NRXN1: variants seen among roughly 807,000 people sequenced by gnomAD.
NRXN1 encodes neurexin-1.
In NRXN1, 39 loss-of-function variants were observed where a neutral mutation model predicts 150.9. The observed-to-expected ratio is 0.26, with a 90% CI of 0.20 to 0.34. NRXN1 has a LOEUF of 0.34. NRXN1 is among the 10% of genes least tolerant of loss of function. The probability of loss-of-function intolerance (pLI) is 1.00; values close to 1 mark genes in which losing one functional copy is unlikely to be tolerated. For synonymous variants in NRXN1, 924 were observed against 757.0 expected, an observed-to-expected ratio of 1.22 and a Z score of -3.62; for missense variants, 1,815 against 1,949.9, an observed-to-expected ratio of 0.93 and a Z score of 1.30.
In NRXN1 at chr2:50,419,312, G is replaced by T. The variant is rs191429950; in HGVS notation, c.3364+46130C>A. Among the ~76,000 whole-genome samples the T allele has an allele frequency of 1.2e-4, 18 of 152,198 alleles. No homozygotes were observed. In the East Asian group the frequency reaches 3.3e-3, roughly 28 times the overall value. The stretch of plus-strand genomic sequence containing the variant: ...CTTGGTAATGAGTTTTGGACTGCAA[G>T]TATCAGTTCTTAGACACAGCATGTG... On this transcript the variant is annotated intron_variant, in intron 17 of 22. Transcript: ENST00000401669.
At chr2:50,542,013 G>A (rs1280984045) in intron 9 of NRXN1, among the ~76,000 whole-genome samples, 2 of 152,194 alleles carry the variant, frequency 1.3e-5, no homozygotes, top group African/African-American at 4.8e-5. Context: ...CAGGCGTGGT[G>A]GCTCATGCCT....
intron 5 of NRXN1, among the ~76,000 whole-genome samples, chr2:50,861,880 C>T (rs979831503): frequency 1.8e-4 from 27 of 151,946 alleles, no homozygotes; most frequent in African/African-American, 6.5e-4. Flanking sequence ...GTCACTCGAA[C>T]ATGTTTATAA....
chr2:50,992,281 T>C (rs6545188), intron 2 of NRXN1, among the ~76,000 whole-genome samples: 2,757 of 152,120 alleles, frequency 0.018, 87 homozygotes, highest in African/African-American at 0.064. Flanking sequence ...CCACATTTTA[T>C]AGAAGACAAA....
chr2:50,477,122 G>A (rs2090055634), intron 15 of NRXN1, among the ~76,000 whole-genome samples: 1 of 152,096 alleles, frequency 6.6e-6, no homozygotes. Flanking sequence ...AATTTATATG[G>A]CATTTAGGAA....
chr2:50,641,425 A>T (rs1684061631), intron 5 of NRXN1, among the ~76,000 whole-genome samples: 1 of 152,092 alleles, frequency 6.6e-6, no homozygotes. Context: ...GGCTCTGGCA[A>T]TACATAGGAT....
intron 17 of NRXN1, among the ~76,000 whole-genome samples, chr2:50,260,970 C>T (rs533892846): frequency 2.0e-5 from 3 of 151,720 alleles, no homozygotes; most frequent in South Asian, 4.2e-4. Context: ...GAATTTTGTA[C>T]AGTCTTCCTT....
At chr2:50,425,871 T>C (rs948437072) in intron 17 of NRXN1, among the ~76,000 whole-genome samples, 1 of 152,122 alleles carries the variant, frequency 6.6e-6, no homozygotes, top group Non-Finnish European at 1.5e-5. Context: ...CTACGGGACC[T>C]TGAACGTCAC....
intron 5 of NRXN1, among the ~76,000 whole-genome samples, chr2:50,665,303 A>G (rs1687869947): frequency 6.6e-6 from 1 of 151,988 alleles, no homozygotes; most frequent in African/African-American, 2.4e-5. Context: ...CTGTTTGAAT[A>G]GCTGTGAAGG....
At chr2:49,952,860 G>A (rs1338623057) in intron 21 of NRXN1, among the ~76,000 whole-genome samples, 2 of 152,054 alleles carry the variant, frequency 1.3e-5, no homozygotes, top group Non-Finnish European at 2.9e-5. Context: ...TTAGAGTTCT[G>A]TCAGATTATT....
intron 18 of NRXN1, among the ~76,000 whole-genome samples, chr2:50,107,257 T>A (rs1701775826): frequency 3.5e-5 from 5 of 143,846 alleles, no homozygotes; most frequent in Non-Finnish European, 6.1e-5. Context: ...TCTGATACAT[T>A]AAAAAAAAAA....
At chr2:50,637,387 T>C (rs1377719597) in intron 5 of NRXN1, 1 of 152,160 alleles carries the variant, frequency 6.6e-6, no homozygotes, top group South Asian at 2.1e-4. Context: ...ACCAGCATCA[T>C]TCCAGATGCA....
chr2:50,482,737 T>G (rs976276576), intron 15 of NRXN1, among the ~76,000 whole-genome samples: 2 of 152,108 alleles, frequency 1.3e-5, no homozygotes, highest in African/African-American at 4.8e-5. Flanking sequence ...CTTAGTAACA[T>G]ATGAGATAGG....
intron 17 of NRXN1, among the ~76,000 whole-genome samples, chr2:50,256,368 C>T (rs755925074): frequency 2.0e-5 from 3 of 152,018 alleles, no homozygotes; most frequent in African/African-American, 4.8e-5. Flanking sequence ...ATTTTCTAAC[C>T]GCTGTTTGGA....
chr2:50,275,035 A>C (rs75759012), intron 17 of NRXN1, among the ~76,000 whole-genome samples: 1 of 152,132 alleles, frequency 6.6e-6, no homozygotes, highest in South Asian at 2.1e-4. Context: ...AAAAGAAACT[A>C]AGCATCATAA....
chr2:50,645,213 G>A (rs924759848), intron 5 of NRXN1, among the ~76,000 whole-genome samples: 3 of 151,782 alleles, frequency 2.0e-5, no homozygotes, highest in Non-Finnish European at 4.4e-5. Flanking sequence ...GACTGATTTT[G>A]ATGTTGAAAA....
intron 18 of NRXN1, among the ~76,000 whole-genome samples, chr2:50,103,400 G>T (rs1046999724): frequency 4.0e-5 from 6 of 151,850 alleles, no homozygotes; most frequent in African/African-American, 1.2e-4. Flanking sequence ...CCTTAAATTG[G>T]TAGAAGAATG....
At chr2:49,950,674 T>C (rs1464079783) in intron 21 of NRXN1, among the ~76,000 whole-genome samples, 2 of 152,018 alleles carry the variant, frequency 1.3e-5, no homozygotes, top group Non-Finnish European at 2.9e-5. Flanking sequence ...AATGTTCCCA[T>C]ATCCATTACT....
At chr2:50,293,354 C>G (rs1443214462) in intron 17 of NRXN1, among the ~76,000 whole-genome samples, 1 of 152,150 alleles carries the variant, frequency 6.6e-6, no homozygotes, top group South Asian at 2.1e-4. Flanking sequence ...ACATACTTCT[C>G]TGAGGGAAGT....
At chr2:50,119,404 T>C (rs1260188082) in intron 18 of NRXN1, among the ~76,000 whole-genome samples, 3 of 152,136 alleles carry the variant, frequency 2.0e-5, no homozygotes, top group Non-Finnish European at 2.9e-5. Flanking sequence ...AGTGTGGATA[T>C]AGATTCTTCT....
Sources: gnomAD v4.1 joint callset for allele counts (sites outside exome capture counted in the v4.1 genomes callset) on GRCh38, gnomAD v4.1.1 for gene constraint, MANE v1.5 for transcripts, NCBI Gene and HGNC (gene_info 2026-07-23, HGNC 2026-07-21) for gene names.